ME1: variants seen among roughly 807,000 people sequenced by gnomAD.
ME1 encodes NADP-dependent malic enzyme.
A neutral mutation model predicts 66.4 loss-of-function variants in ME1; 74 were observed. The ratio of observed to expected loss-of-function variants is 1.11; its 90% CI spans 0.92 to 1.35. The LOEUF (loss-of-function observed/expected upper bound fraction) is 1.35. Ranked by LOEUF, ME1 falls within the 40% of genes most tolerant of loss-of-function variation. ME1 has a pLI of 0.00. For synonymous variants in ME1, 251 were observed against 235.6 expected (o/e 1.07, Z -0.60); for missense variants, 750 against 694.1 (o/e 1.08, Z -0.90).
intron 6 of ME1, among the ~76,000 whole-genome samples, chr6:83,279,202 T>C (rs1180144492): frequency 3.3e-5 from 5 of 152,206 alleles, no homozygotes; most frequent in Non-Finnish European, 7.3e-5. Flanking sequence ...GCTTAACTCC[T>C]AGCCAGATAA....
chr6:83,286,654 C>A (rs1043027018), intron 6 of ME1, among the ~76,000 whole-genome samples: 1 of 152,034 alleles, frequency 6.6e-6, no homozygotes, highest in Non-Finnish European at 1.5e-5. Context: ...ATATAAAAGG[C>A]ATACTTGAAA....
chr6:83,359,719 G>C (rs931267240), intron 3 of ME1, among the ~76,000 whole-genome samples: 1 of 152,204 alleles, frequency 6.6e-6, no homozygotes, highest in African/African-American at 2.4e-5. Context: ...TCCCAGTAGG[G>C]TGGGTCCAGA....
chr6:83,315,849 A>G (rs1768021129), intron 5 of ME1, among the ~76,000 whole-genome samples: 1 of 152,132 alleles, frequency 6.6e-6, no homozygotes, highest in Admixed American at 6.6e-5. Context: ...GTGAACCAAG[A>G]TCGCACCACT....
intron 5 of ME1, among the ~76,000 whole-genome samples, chr6:83,344,897 A>G (rs1440517343): frequency 3.3e-5 from 5 of 151,864 alleles, no homozygotes; most frequent in African/African-American, 1.2e-4. Context: ...AATAAAATAA[A>G]ATAAAATAAT....
intron 5 of ME1, among the ~76,000 whole-genome samples, chr6:83,332,285 G>A (rs1238475738): frequency 6.6e-6 from 1 of 152,122 alleles, no homozygotes; most frequent in African/African-American, 2.4e-5. Context: ...GGTGAAAAGG[G>A]AAAACTTATA....
chr6:83,423,624 T>C lies in ME1; in HGVS notation c.78+7253A>G, dbSNP rs187662114. 4.7e-4 allele frequency among the ~76,000 whole-genome samples: 72 copies of C among 151,744 alleles called. 1 individual carries two copies. The highest frequency in any genetic ancestry group is 1.6e-3 in the African/African-American group (65 of 41,372). On this transcript the variant is annotated intron_variant, in intron 1 of 13. Transcript: ENST00000369705. The stretch of plus-strand genomic sequence containing the variant: ...CACTAGATGGGGTAACATGATGAAA[T>C]TGTGTTTCTACAAAAAATATGAAAA...
intron 1 of ME1, among the ~76,000 whole-genome samples, chr6:83,413,778 G>A (rs1046932157): frequency 1.3e-5 from 2 of 152,056 alleles, no homozygotes; most frequent in African/African-American, 4.8e-5. Context: ...CTTTGGAAAT[G>A]ATTATTTTTA....
At chr6:83,268,761 A>G (rs1029685331) in intron 6 of ME1, among the ~76,000 whole-genome samples, 1 of 149,378 alleles carries the variant, frequency 6.7e-6, no homozygotes, top group African/African-American at 2.5e-5. Flanking sequence ...TATTATTATT[A>G]TTGTATTTTT....
chr6:83,362,328 G>A (rs1769021119), intron 3 of ME1, among the ~76,000 whole-genome samples: 1 of 152,230 alleles, frequency 6.6e-6, no homozygotes, highest in African/African-American at 2.4e-5. Context: ...GTCAAAAACT[G>A]TGAAGATATT....
chr6:83,251,949 T>C (rs771959554), intron 7 of ME1, among the ~76,000 whole-genome samples: 2 of 152,094 alleles, frequency 1.3e-5, no homozygotes. Context: ...ATCTGACAAA[T>C]TGTAGAGATA....
chr6:83,223,711 C>T, intron 12 of ME1, 49 bp downstream of exon 12: 2 of 1,545,580 alleles, frequency 1.3e-6, no homozygotes, highest in South Asian at 2.3e-5. Context: ...CTAGGCTGAG[C>T]ACACTTGGTA....
chr6:83,282,055 C>A (rs1437291108), intron 6 of ME1, among the ~76,000 whole-genome samples: 1 of 151,100 alleles, frequency 6.6e-6, no homozygotes, highest in African/African-American at 2.4e-5. Context: ...ATAGACTAGA[C>A]CATATAGAAG....
chr6:83,324,856 A>G (rs532843641), intron 5 of ME1, among the ~76,000 whole-genome samples: 22 of 152,156 alleles, frequency 1.4e-4, no homozygotes, highest in Non-Finnish European at 3.1e-4. Flanking sequence ...CTCCTCTCTA[A>G]CTCATTTTAT....
chr6:83,326,922 G>A (rs570703457), intron 5 of ME1, among the ~76,000 whole-genome samples: 132 of 152,142 alleles, frequency 8.7e-4, no homozygotes, highest in African/African-American at 3.1e-3. Flanking sequence ...GGAAGTCAGG[G>A]ACCCCAAACA....
At chr6:83,358,907 A>G (rs1768952001) in intron 3 of ME1, among the ~76,000 whole-genome samples, 1 of 152,060 alleles carries the variant, frequency 6.6e-6, no homozygotes, top group Non-Finnish European at 1.5e-5. Flanking sequence ...TCCAATTTAA[A>G]CTTTTAATTA....
At chr6:83,323,518 A>C (rs980166490) in intron 5 of ME1, among the ~76,000 whole-genome samples, 3 of 152,210 alleles carry the variant, frequency 2.0e-5, no homozygotes, top group African/African-American at 7.2e-5. Context: ...AACAAAAAAA[A>C]AACCCCAGAG....
At chr6:83,281,690 C>T (rs1019759312) in intron 6 of ME1, among the ~76,000 whole-genome samples, 11 of 150,452 alleles carry the variant, frequency 7.3e-5, no homozygotes, top group Non-Finnish European at 1.5e-4. Flanking sequence ...TCTATAATTC[C>T]AGCTACTCGG....
chr6:83,314,381 T>C (rs1244795406), intron 6 of ME1, among the ~76,000 whole-genome samples: 3 of 152,170 alleles, frequency 2.0e-5, no homozygotes, highest in Non-Finnish European at 4.4e-5. Flanking sequence ...TGGTATATTA[T>C]GTTTTATACT....
intron 5 of ME1, among the ~76,000 whole-genome samples, chr6:83,328,399 C>T (rs1173348060): frequency 6.6e-6 from 1 of 152,066 alleles, no homozygotes; most frequent in Non-Finnish European, 1.5e-5. Flanking sequence ...ACCACCATGG[C>T]ACATGTATAC....
Sources: allele counts gnomAD v4.1 joint callset (sites outside exome capture counted in the v4.1 genomes callset), GRCh38; gene constraint gnomAD v4.1.1; transcripts MANE v1.5; gene names NCBI Gene and HGNC (gene_info 2026-07-23, HGNC 2026-07-21).